TG: variants seen among roughly 807,000 people sequenced by gnomAD.
The protein encoded by TG is thyroglobulin, also known as thyroid hormones.
TG carries 270 observed loss-of-function variants against 324.7 expected under a neutral mutation model. That is an observed-to-expected ratio of 0.83 (90% CI 0.75 to 0.92). The LOEUF (loss-of-function observed/expected upper bound fraction) is 0.92, where lower values mean the gene tolerates loss of function less well. TG is among the 40% of genes least tolerant of loss of function. The pLI, the probability that TG is intolerant of heterozygous loss-of-function variation, is 0.00. For missense variants in TG, 3,591 were observed against 3,456.4 expected (o/e 1.04, Z -0.98); for synonymous variants, 1,401 against 1,327.0 (o/e 1.06, Z -1.21).
Position 133,116,668 on chromosome 8 carries a change from G to A in TG, c.7814G>A (p.Arg2605Gln), listed in dbSNP as rs764832505. 25 of 1,614,154 alleles carry A rather than the reference G, an allele frequency of 1.5e-5. No homozygotes were observed. In the Middle Eastern group the frequency reaches 4.9e-4, roughly 32 times the overall value. The change falls in exon 45 of 48, where the codon CGA (arginine) becomes CAA (glutamine). Residue 2605 changes from arginine (R) to glutamine (Q), a missense_variant. By Grantham distance (43) the Arg-to-Gln change is conservative. Coordinates refer to ENST00000220616, the MANE Select transcript of TG (RefSeq NM_003235.5). ...DMASAWAKRARGNVFMYHAPE... is the reference protein window; with the variant it reads ...DMASAWAKRAQGNVFMYHAPE... ...GCCAGTGCCTGGGCAAAGAGGGCCC[G>A]AGGAAACGTCTTCATGTACCATGCT...
chr8:132,959,301 T>C lies in TG; in HGVS notation c.5402-1707T>C, dbSNP rs1359436258. Among the ~76,000 whole-genome samples the C allele has an allele frequency of 2.0e-5, 3 of 152,186 alleles. No individual in the cohort carries two copies. The East Asian group carries it at 5.8e-4, about 29-fold the overall frequency. The stretch of plus-strand genomic sequence containing the variant: ...TGGACAGAATTCTGAAGTACAGCCA[T>C]GCACCTCAAAAAGACACTTTGACCA... On this transcript the variant is annotated intron_variant, in intron 27 of 47. Transcript: ENST00000220616.
intron 40 of TG, among the ~76,000 whole-genome samples, chr8:133,025,411 A>G (rs976223423): frequency 2.6e-5 from 4 of 152,172 alleles, no homozygotes; most frequent in African/African-American, 9.7e-5. Flanking sequence ...TTTTTAAATA[A>G]TAGATTTTAT....
chr8:133,032,519 G>A (rs1836730953), intron 41 of TG, among the ~76,000 whole-genome samples: 1 of 152,196 alleles, frequency 6.6e-6, no homozygotes, highest in Non-Finnish European at 1.5e-5. Flanking sequence ...AAATGGCAGT[G>A]TATTTAAAAA....
chr8:132,885,787 G>A (rs952551950), intron 8 of TG, among the ~76,000 whole-genome samples: 3 of 152,144 alleles, frequency 2.0e-5, no homozygotes, highest in African/African-American at 7.2e-5. Flanking sequence ...ATCAAGGTGT[G>A]GGCAGGGCCA....
At chr8:132,883,034 C>T (rs752066136) in intron 8 of TG, 35 bp downstream of exon 8, 44 of 1,605,160 alleles carry the variant, frequency 2.7e-5, no homozygotes, top group Admixed American at 2.7e-4. Context: ...CTTTCGGCCT[C>T]GGATCATATT....
At chr8:132,986,922 T>C (rs1831631324) in intron 35 of TG, among the ~76,000 whole-genome samples, 1 of 152,204 alleles carries the variant, frequency 6.6e-6, no homozygotes, top group Admixed American at 6.5e-5. Flanking sequence ...ATTAAATTTA[T>C]AGATAAAGAG....
intron 30 of TG, 110 bp downstream of exon 30, chr8:132,966,807 C>G: frequency 1.5e-6 from 2 of 1,306,052 alleles, no homozygotes; most frequent in Admixed American, 3.4e-5. Context: ...TGTGTCATAA[C>G]TCATGGATCA....
chr8:132,905,849 T>C (rs1818596893), intron 16 of TG, among the ~76,000 whole-genome samples: 1 of 151,910 alleles, frequency 6.6e-6, no homozygotes, highest in Admixed American at 6.6e-5. Context: ...AAACAGAACG[T>C]GTTGAGTTGA....
At chr8:133,005,775 A>T (rs974643043) in intron 35 of TG, among the ~76,000 whole-genome samples, 18 of 152,066 alleles carry the variant, frequency 1.2e-4, no homozygotes, top group African/African-American at 4.3e-4. Flanking sequence ...GGGGGCCCTG[A>T]TGTTATTCTC....
intron 40 of TG, among the ~76,000 whole-genome samples, chr8:133,024,314 C>A (rs1233303250): frequency 1.3e-4 from 2 of 15,760 alleles, no homozygotes; most frequent in African/African-American, 4.9e-4. Flanking sequence ...CATTTTCTTT[C>A]TTTCTTTCTT....
intron 25 of TG, among the ~76,000 whole-genome samples, chr8:132,939,025 C>T (rs1319012404): frequency 7.1e-6 from 1 of 141,744 alleles, no homozygotes; most frequent in Non-Finnish European, 1.5e-5. Context: ...GCACTCCAGC[C>T]TGGGCAACAG....
chr8:132,960,279 G>C (rs1417852994), intron 27 of TG, among the ~76,000 whole-genome samples: 1 of 152,138 alleles, frequency 6.6e-6, no homozygotes, highest in African/African-American at 2.4e-5. Flanking sequence ...ATCATATCTC[G>C]ATGTCCCAGG....
At chr8:132,934,968 C>T (rs1395917745) in intron 24 of TG, among the ~76,000 whole-genome samples, 1 of 152,008 alleles carries the variant, frequency 6.6e-6, no homozygotes, top group Non-Finnish European at 1.5e-5. Flanking sequence ...CTTTCATAGC[C>T]AGCTCCAGCC....
chr8:132,886,050 C>A (rs1815368318), intron 8 of TG, among the ~76,000 whole-genome samples: 1 of 152,158 alleles, frequency 6.6e-6, no homozygotes, highest in Non-Finnish European at 1.5e-5. Flanking sequence ...TCTGCAAAGA[C>A]CCTATTTCTA....
intron 3 of TG, among the ~76,000 whole-genome samples, chr8:132,870,911 TC>T (rs1839428025): frequency 1.3e-5 from 2 of 152,084 alleles, no homozygotes; most frequent in African/African-American, 2.4e-5. Context: ...CTCAAACACC[TC>T]CCACATTGGG....
At chr8:133,118,496 C>A (rs1473083374) in intron 45 of TG, among the ~76,000 whole-genome samples, 1 of 151,892 alleles carries the variant, frequency 6.6e-6, no homozygotes, top group South Asian at 2.1e-4. Flanking sequence ...AGCTAATTTT[C>A]GTATTTTTAG....
chr8:133,084,121 G>C (rs1318981095), intron 41 of TG, among the ~76,000 whole-genome samples: 1 of 152,160 alleles, frequency 6.6e-6, no homozygotes, highest in Non-Finnish European at 1.5e-5. Context: ...TGCTGGTCAA[G>C]AGCTGGCCCA....
At chr8:133,001,727 A>G (rs1017561890) in intron 35 of TG, 1 of 985,388 alleles carries the variant, frequency 1.0e-6, no homozygotes, top group Non-Finnish European at 1.2e-6. Flanking sequence ...GTGGCCGTAC[A>G]GGCCTCCAAG....
At chr8:133,073,403 T>C (rs1302198666) in intron 41 of TG, among the ~76,000 whole-genome samples, 1 of 152,224 alleles carries the variant, frequency 6.6e-6, no homozygotes, top group Non-Finnish European at 1.5e-5. Context: ...TTGCCCAGGC[T>C]GGAGTGCAGT....
Sources: allele counts gnomAD v4.1 joint callset (sites outside exome capture counted in the v4.1 genomes callset), GRCh38; gene constraint gnomAD v4.1.1; transcripts MANE v1.5; gene names NCBI Gene and HGNC (gene_info 2026-07-23, HGNC 2026-07-21).